NVL: variants seen among roughly 807,000 people sequenced by gnomAD.
NVL encodes the protein nuclear valosin-containing protein-like.
NVL carries 84 observed loss-of-function variants against 110.2 expected under a neutral mutation model. The observed-to-expected ratio is 0.76, with a 90% CI of 0.64 to 0.91. The LOEUF (loss-of-function observed/expected upper bound fraction) is 0.91, where lower values mean the gene tolerates loss of function less well. NVL is among the 40% of genes least tolerant of loss of function. The pLI is 0.00. For synonymous variants in NVL, 354 were observed against 361.1 expected (o/e 0.98, Z 0.22); for missense variants, 882 against 1,035.9 (o/e 0.85, Z 2.04).
intron 18 of NVL, chr1:224,257,199 G>T (rs2897055): frequency 2.1e-6 from 1 of 480,344 alleles, no homozygotes; most frequent in Non-Finnish European, 4.2e-6. Context: ...AAGAGAAAGT[G>T]CATTCACTCA....
intron 14 of NVL, among the ~76,000 whole-genome samples, chr1:224,287,092 AAATG>A: frequency 6.6e-6 from 1 of 152,348 alleles, no homozygotes; most frequent in East Asian, 1.9e-4. Flanking sequence ...TCAGCCACAA[AAATG>A]AATGAAATCC....
rs1671152459 is a variant in NVL at position 224,326,456 on chromosome 1, G to A, written c.66C>T (p.Thr22=). 1 of 1,608,388 alleles carries A rather than the reference G, an allele frequency of 6.2e-7. No homozygotes were observed. Among genetic ancestry groups the A allele is most frequent in the Admixed American group, 1.7e-5 (1 of 59,698 alleles). Residue 22 remains threonine, a synonymous_variant, in exon 2 of 23, where the codon ACC becomes ACT. Transcript: ENST00000281701. ...CCACATATTTGCCACATTTGTTACT[G>A]GTAAGGTACTAAAACAGAAAATATA... ...KLKQRVIQYL[T]SNKCGKYVDI... is the part of the protein sequence containing the mutation.
intron 6 of NVL, among the ~76,000 whole-genome samples, chr1:224,306,488 A>C (rs1668929561): frequency 6.6e-6 from 1 of 152,058 alleles, no homozygotes; most frequent in African/African-American, 2.4e-5. Flanking sequence ...GGATGGTCTC[A>C]ATCTCCTGAC....
chr1:224,289,241 G>T, intron 13 of NVL: 1 of 453,350 alleles, frequency 2.2e-6, no homozygotes, highest in South Asian at 3.2e-5. Flanking sequence ...GCCACAGTCT[G>T]CCAACCCCAT....
intron 18 of NVL, among the ~76,000 whole-genome samples, chr1:224,253,208 C>T (rs568253313): frequency 1.3e-5 from 2 of 151,834 alleles, no homozygotes; most frequent in East Asian, 2.0e-4. Flanking sequence ...CTGCCCCCCA[C>T]GCCCGGCTAA....
intron 9 of NVL, chr1:224,303,026 G>A (rs1185267254): frequency 1.0e-5 from 2 of 190,630 alleles, no homozygotes; most frequent in Non-Finnish European, 1.1e-5. Context: ...TCCAGCCTGG[G>A]TGACAGTGAA....
intron 20 of NVL, among the ~76,000 whole-genome samples, chr1:224,235,727 A>G (rs73128424): frequency 0.01 from 1,586 of 152,200 alleles, 28 homozygotes; most frequent in African/African-American, 0.036. Context: ...TCAGGAGTTC[A>G]TGACAAGACT....
chr1:224,256,614 A>G (rs543361376), intron 18 of NVL, among the ~76,000 whole-genome samples: 1 of 152,236 alleles, frequency 6.6e-6, no homozygotes, highest in Non-Finnish European at 1.5e-5. Context: ...TATTATTTTA[A>G]TAAGTTATTT....
intron 21 of NVL, 129 bp from the exon 22 acceptor site, chr1:224,231,425 T>C: frequency 1.5e-6 from 1 of 672,254 alleles, no homozygotes; most frequent in Non-Finnish European, 2.6e-6. Flanking sequence ...AGATGGGCTC[T>C]GTTCTTTTTC....
intron 4 of NVL, among the ~76,000 whole-genome samples, chr1:224,315,409 A>G (rs1435268066): frequency 6.6e-6 from 1 of 152,264 alleles, no homozygotes; most frequent in Non-Finnish European, 1.5e-5. Context: ...AGAAATTTCA[A>G]CAGATGCAGA....
At chr1:224,319,517 T>C (rs1179838643) in intron 2 of NVL, among the ~76,000 whole-genome samples, 8 of 152,060 alleles carry the variant, frequency 5.3e-5, no homozygotes, top group East Asian at 1.9e-4. Flanking sequence ...TTGTTTTTCT[T>C]TGACCCAGAG....
chr1:224,281,165 T>G lies in NVL; in HGVS notation c.1920A>C (p.Gly640=). 1 of 1,613,860 alleles carries G rather than the reference T, an allele frequency of 6.2e-7. No individual in the cohort carries two copies. Among genetic ancestry groups the G allele is most frequent in the Non-Finnish European group, 8.5e-7 (1 of 1,179,942 alleles). Residue 640 remains glycine (G), a synonymous_variant, in exon 16 of 23, where the codon GGA becomes GGC. Transcript: ENST00000281701. ...LLAKAVANES[G]LNFISVKGPE... ...GGCCCTTGACAGATATAAAATTTAG[T>G]CCGGACTCATTTGCAACAGCCTAGC...
intron 18 of NVL, among the ~76,000 whole-genome samples, chr1:224,263,297 T>C (rs1664163002): frequency 1.3e-5 from 2 of 152,196 alleles, no homozygotes; most frequent in Non-Finnish European, 2.9e-5. Flanking sequence ...TGCACACATG[T>C]AGTTTTCTCG....
At chr1:224,228,805 G>A (rs1272738043) in intron 22 of NVL, among the ~76,000 whole-genome samples, 5 of 150,378 alleles carry the variant, frequency 3.3e-5, no homozygotes, top group African/African-American at 1.2e-4. Flanking sequence ...TGGGCATGGT[G>A]GCGGGCGCCT....
At chr1:224,314,079 TGCAGGG>T (rs1669828055) in intron 4 of NVL, among the ~76,000 whole-genome samples, 1 of 152,220 alleles carries the variant, frequency 6.6e-6, no homozygotes, top group African/African-American at 2.4e-5. Flanking sequence ...TAACAAAGAT[TGCAGGG>T]ATGCAGAGAA....
chr1:224,290,830 C>T (rs1383803330), intron 12 of NVL, among the ~76,000 whole-genome samples: 1 of 149,960 alleles, frequency 6.7e-6, no homozygotes, highest in African/African-American at 2.5e-5. Context: ...ATTAGCTGGG[C>T]ATGGGGGCGG....
At position 224,251,973 on chromosome 1, in the gene NVL, C is replaced by T. The variant is rs368286494; in HGVS notation, c.2183-1655G>A. On this transcript the variant is annotated intron_variant, in intron 18 of 22. Transcript: ENST00000281701. The stretch of plus-strand genomic sequence containing the variant: ...ATACACGTCCAATTCTCTCAAATTC[C>T]GCTCCCACTGCAGAATGAATCCTCC... Among the ~76,000 whole-genome samples, 25 of 152,256 alleles carry T rather than the reference C, an allele frequency of 1.6e-4. 1 individual carries two copies. The highest frequency in any genetic ancestry group is 4.1e-4 in the South Asian group (2 of 4,824).
chr1:224,233,526 G>A (rs1018309486), intron 20 of NVL, among the ~76,000 whole-genome samples: 6 of 152,146 alleles, frequency 3.9e-5, no homozygotes, highest in East Asian at 1.9e-4. Context: ...TTGGGAGGCC[G>A]AGGTGGGTGG....
intron 2 of NVL, among the ~76,000 whole-genome samples, chr1:224,324,323 GA>G (rs1670936005): frequency 6.6e-6 from 1 of 152,206 alleles, no homozygotes; most frequent in Non-Finnish European, 1.5e-5. Context: ...TTTGGAAGCA[GA>G]TAACTTGTCT....
Sources: gnomAD v4.1 joint callset for allele counts (sites outside exome capture counted in the v4.1 genomes callset) on GRCh38, gnomAD v4.1.1 for gene constraint, MANE v1.5 for transcripts, NCBI Gene and HGNC (gene_info 2026-07-23, HGNC 2026-07-21) for gene names.